DGKD: variants seen among roughly 807,000 people sequenced by gnomAD.
DGKD encodes diacylglycerol kinase delta.
In DGKD, 68 loss-of-function variants were observed where a neutral mutation model predicts 154.4. The ratio of observed to expected loss-of-function variants is 0.44; its 90% CI spans 0.36 to 0.54. DGKD has a LOEUF of 0.54. DGKD is among the 20% of genes least tolerant of loss of function. The pLI is 0.00. For missense variants in DGKD, 1,343 were observed against 1,593.6 expected, an observed-to-expected ratio of 0.84 and a Z score of 2.68; for synonymous variants, 693 against 638.0, an observed-to-expected ratio of 1.09 and a Z score of -1.30.
intron 1 of DGKD, among the ~76,000 whole-genome samples, chr2:233,357,355 T>C (rs1701572884): frequency 6.6e-6 from 1 of 152,072 alleles, no homozygotes; most frequent in African/African-American, 2.4e-5. Flanking sequence ...AATATTAGTC[T>C]AGTGCAAGTC....
At chr2:233,387,718 G>A (rs945521013) in intron 1 of DGKD, among the ~76,000 whole-genome samples, 7 of 152,142 alleles carry the variant, frequency 4.6e-5, no homozygotes, top group Admixed American at 1.3e-4. Flanking sequence ...CTCTCATGGT[G>A]TGTGCAGATG....
intron 1 of DGKD, among the ~76,000 whole-genome samples, chr2:233,356,774 A>G (rs1701548358): frequency 6.6e-6 from 1 of 151,590 alleles, no homozygotes; most frequent in Admixed American, 6.6e-5. Flanking sequence ...TTGTTAAGAG[A>G]TTGTCAGAAT....
chr2:233,458,258 G>A lies in DGKD; in HGVS notation c.2581-26G>A. The A allele has an allele frequency of 6.6e-7, 1 of 1,505,978 alleles. No individual in the cohort carries two copies. Among genetic ancestry groups the A allele is most frequent in the African/African-American group, 1.4e-5 (1 of 73,008 alleles). 93.3% of individuals were successfully genotyped at this position (1,505,978 alleles called of 1,614,324 possible). On this transcript the variant is annotated intron_variant, in intron 21 of 29. Coordinates refer to ENST00000264057, the MANE Select transcript of DGKD (RefSeq NM_152879.3). The surrounding 1 kb of genome is among the most constrained non-coding windows in gnomAD (Gnocchi z 6.6). The stretch of plus-strand genomic sequence containing the variant: ...TGTGCTCGGGGATGTGTGGAGTGGT[G>A]GTCAGCTCTAACGTGTCCCTTGCAG...
chr2:233,415,795 T>G (rs1229639198), intron 3 of DGKD, among the ~76,000 whole-genome samples: 1 of 152,126 alleles, frequency 6.6e-6, no homozygotes. Flanking sequence ...AGCTAATTTA[T>G]AAATTTTTTT....
intron 26 of DGKD, 31 bp from the exon 27 acceptor site, chr2:233,464,133 A>G (rs749004499): frequency 3.1e-6 from 5 of 1,612,640 alleles, no homozygotes; most frequent in East Asian, 2.2e-5. Flanking sequence ...CACACTCTCC[A>G]TTTCTCTCTC....
chr2:233,424,422 C>G (rs1334185447), intron 3 of DGKD, among the ~76,000 whole-genome samples: 1 of 152,194 alleles, frequency 6.6e-6, no homozygotes, highest in Non-Finnish European at 1.5e-5. Context: ...TCTTGGGAAA[C>G]CTGGTCAGAG....
chr2:233,468,289 G>T, intron 28 of DGKD, 134 bp from the exon 29 acceptor site: 2 of 1,062,714 alleles, frequency 1.9e-6, no homozygotes, highest in Non-Finnish European at 2.7e-6. Context: ...GCTGCTGCTG[G>T]GCTGTCTCGG....
intron 18 of DGKD, chr2:233,454,347 C>T (rs761768023): frequency 1.5e-5 from 7 of 469,476 alleles, no homozygotes; most frequent in South Asian, 6.3e-5. Context: ...AAAACATCGT[C>T]CTGAGGAAGA....
In DGKD at chr2:233,438,852, A is replaced by G. The variant is rs945485596; in HGVS notation, c.1085+473A>G. 1.3e-5 allele frequency among the ~76,000 whole-genome samples: 2 copies of G among 151,342 alleles called. No homozygotes were observed. Among genetic ancestry groups the G allele is most frequent in the Non-Finnish European group, 1.5e-5 (1 of 67,952 alleles). ...TTCCTGGCGTGCCTCGTTCTTTGTA[A>G]CAGCTGCCTAACATTGAGGAAGAAG... is the stretch of plus-strand genomic sequence containing the variant. On this transcript the variant is annotated intron_variant, in intron 9 of 29. Coordinates refer to ENST00000264057, the MANE Select transcript of DGKD (RefSeq NM_152879.3). The surrounding 1 kb of genome is among the most constrained non-coding windows in gnomAD (Gnocchi z 4.1).
At position 233,449,394 on chromosome 2, in the gene DGKD, G is replaced by A. The variant is rs747424709; in HGVS notation, c.1888+18G>A. On this transcript the variant is annotated intron_variant, in intron 15 of 29. Transcript: ENST00000264057. This position sits in a 1 kb window ranked among gnomAD's most constrained non-coding sequence, Gnocchi z 5.3. ...AGAAAAAGGTAACTGGCCTTGTGAT[G>A]AGGAGGGGCTTTCCTCAGGCCAGCA... The A allele has an allele frequency of 6.3e-7, 1 of 1,583,228 alleles. No individual in the cohort carries two copies. The highest frequency in any genetic ancestry group is 8.6e-7 in the Non-Finnish European group (1 of 1,157,342).
chr2:233,447,786 A>G, intron 12 of DGKD: 1 of 1,148,022 alleles, frequency 8.7e-7, no homozygotes, highest in Non-Finnish European at 1.1e-6. Flanking sequence ...TGTCAGGATG[A>G]GTAGGGGTCA....
intron 1 of DGKD, among the ~76,000 whole-genome samples, chr2:233,356,840 A>G (rs1701551505): frequency 6.6e-6 from 1 of 151,970 alleles, no homozygotes; most frequent in Admixed American, 6.6e-5. Flanking sequence ...TTTCCAGCAG[A>G]TAAGCCATTC....
rs2063229534 is a variant in DGKD, at chr2:233,450,227, A to G, written c.2038+96A>G. The stretch of plus-strand genomic sequence containing the variant: ...AGGGGAGGTTTTAGGGCACTTTCTC[A>G]TAGTTGCTTTGGCCACTTGGTTACA... On this transcript the variant is annotated intron_variant, in intron 16 of 29. Transcript: ENST00000264057. 20 of 1,416,618 alleles carry G rather than the reference A, an allele frequency of 1.4e-5. No homozygotes were observed. In the South Asian group the frequency reaches 2.1e-4, roughly 15 times the overall value. 87.8% of individuals were successfully genotyped at this position (1,416,618 alleles called of 1,614,324 possible). A position where few individuals can be genotyped will look rare whatever the true frequency, so the allele number is the denominator to read the frequency against.
chr2:233,430,561 C>G (rs967692639), intron 3 of DGKD, among the ~76,000 whole-genome samples: 2 of 152,190 alleles, frequency 1.3e-5, no homozygotes, highest in African/African-American at 2.4e-5. Flanking sequence ...CTTTCTCTCT[C>G]TCTTTTTTGG....
At chr2:233,424,997 A>G (rs762916061) in intron 3 of DGKD, among the ~76,000 whole-genome samples, 2 of 152,138 alleles carry the variant, frequency 1.3e-5, no homozygotes, top group African/African-American at 4.8e-5. Flanking sequence ...CCCCTGGGCT[A>G]ATTCTTCCCA....
At chr2:233,382,733 G>T (rs904783319) in intron 1 of DGKD, among the ~76,000 whole-genome samples, 1 of 152,180 alleles carries the variant, frequency 6.6e-6, no homozygotes, top group Non-Finnish European at 1.5e-5. Flanking sequence ...AATAGTCTGA[G>T]ATTTTACTTC....
chr2:233,435,924 G>T lies in DGKD; in HGVS notation c.693G>T (p.Gly231=). The change falls in exon 6 of 30, where the codon GGG becomes GGT. Residue 231 remains glycine, a splice_region_variant and synonymous_variant. Coordinates refer to ENST00000264057, the MANE Select transcript of DGKD (RefSeq NM_152879.3). The part of the protein sequence containing the change: ...IGKDIIEDAD[G]IAMPHQWLEG... The stretch of plus-strand genomic sequence containing the variant: ...AGGACATCATTGAAGATGCAGATGG[G>T]GTATGTTAAGAAATACCACCTGTGG... 6.2e-7 allele frequency: 1 copy of T among 1,605,178 alleles called. No homozygotes were observed. Among genetic ancestry groups the T allele is most frequent in the East Asian group, 2.2e-5 (1 of 44,730 alleles).
rs563972259 is a variant in DGKD, at chr2:233,452,123, G to A, written c.2264+63G>A. The A allele has an allele frequency of 3.6e-5, 52 of 1,443,246 alleles. No homozygotes were observed. The highest frequency in any genetic ancestry group is 1.2e-4 in the Admixed American group (7 of 59,260). 89.4% of individuals were successfully genotyped at this position (1,443,246 alleles called of 1,614,324 possible). A position where few individuals can be genotyped will look rare whatever the true frequency, so the allele number is the denominator to read the frequency against. ...CATGGCTGCTAGTGCATAGAAAACA[G>A]ATCTCAGGATTAACTAGAGAAATTA... On this transcript the variant is annotated intron_variant, in intron 18 of 29. Coordinates refer to ENST00000264057, the MANE Select transcript of DGKD (RefSeq NM_152879.3). The surrounding 1 kb of genome is among the most constrained non-coding windows in gnomAD (Gnocchi z 4.0).
rs915360516 is a variant in DGKD at position 233,470,662 on chromosome 2, C to T, written c.*1202C>T. The T allele has an allele frequency of 6.6e-6, 1 of 152,216 alleles. No homozygotes were observed. Among genetic ancestry groups the T allele is most frequent in the Non-Finnish European group, 1.5e-5 (1 of 68,028 alleles). The allele number at this position is 152,216 out of a possible 1,614,324, so 9.4% of individuals were successfully genotyped here. A position where few individuals can be genotyped will look rare whatever the true frequency, so the allele number is the denominator to read the frequency against. On this transcript the variant is annotated 3_prime_UTR_variant, in exon 30 of 30. Coordinates refer to ENST00000264057, the MANE Select transcript of DGKD (RefSeq NM_152879.3). ...CCAGGTGAAGGATGCCCCTGGTCCT[C>T]CAGGGCACTGACTTTGCCCTTTTTT...
Sources: allele counts gnomAD v4.1 joint callset (sites outside exome capture counted in the v4.1 genomes callset), GRCh38; gene constraint gnomAD v4.1.1; non-coding constraint Gnocchi (gnomAD v3.1); transcripts MANE v1.5; gene names NCBI Gene and HGNC (gene_info 2026-07-23, HGNC 2026-07-21).